ERC2: variants seen among roughly 807,000 people sequenced by gnomAD.
ERC2 encodes the protein ELKS/RAB6-interacting/CAST family member 2.
In ERC2, 42 loss-of-function variants were observed where a neutral mutation model predicts 114.8. The observed-to-expected ratio is 0.37, with a 90% CI of 0.29 to 0.47. ERC2 has a LOEUF of 0.47. ERC2 is among the 20% of genes least tolerant of loss of function. The pLI is 0.99. For synonymous variants in ERC2, 454 were observed against 425.5 expected (o/e 1.07, Z -0.82); for missense variants, 939 against 1,150.7 (o/e 0.82, Z 2.66).
In ERC2 at chr3:56,221,831, G is replaced by A. The variant is rs201183992; in HGVS notation, c.1075-48311C>T. The stretch of plus-strand genomic sequence containing the variant: ...AGGCAGGAGAATGGTGTGAACCCAG[G>A]AGGCGGAGTGAGCAGAGATCGTGCC... On this transcript the variant is annotated intron_variant, in intron 3 of 17. Coordinates refer to ENST00000288221, the MANE Select transcript of ERC2 (RefSeq NM_015576.3). 4.6e-5 allele frequency among the ~76,000 whole-genome samples: 7 copies of A among 152,180 alleles called. No homozygotes were observed. The East Asian group carries it at 1.4e-3, about 29-fold the overall frequency.
chr3:55,622,075 C>T (rs915068731), intron 17 of ERC2, among the ~76,000 whole-genome samples: 1 of 152,194 alleles, frequency 6.6e-6, no homozygotes, highest in Non-Finnish European at 1.5e-5. Flanking sequence ...CTGTTTGCTT[C>T]GTACCGCCAT....
intron 7 of ERC2, among the ~76,000 whole-genome samples, chr3:56,074,510 C>T (rs1025049338): frequency 6.6e-6 from 1 of 152,160 alleles, no homozygotes; most frequent in African/African-American, 2.4e-5. Context: ...ACCTTCCTAA[C>T]AATCCAATAA....
intron 14 of ERC2, among the ~76,000 whole-genome samples, chr3:55,761,944 T>C (rs1163566070): frequency 8.7e-4 from 64 of 73,390 alleles, no homozygotes; most frequent in East Asian, 1.5e-3. Flanking sequence ...CTCCCTCCCT[T>C]CCTCTCTCTC....
chr3:55,895,180 T>A (rs1366807571), intron 13 of ERC2, among the ~76,000 whole-genome samples: 1 of 152,218 alleles, frequency 6.6e-6, no homozygotes, highest in Non-Finnish European at 1.5e-5. Flanking sequence ...TTCCCAAACT[T>A]GGTTTAAGAT....
chr3:56,345,765 T>C (rs2058283030), intron 2 of ERC2, among the ~76,000 whole-genome samples: 1 of 152,124 alleles, frequency 6.6e-6, no homozygotes, highest in African/African-American at 2.4e-5. Flanking sequence ...GATAACCTAA[T>C]CCCCACATGC....
intron 17 of ERC2, among the ~76,000 whole-genome samples, chr3:55,598,927 T>C (rs2058273569): frequency 6.6e-6 from 1 of 152,238 alleles, no homozygotes; most frequent in African/African-American, 2.4e-5. Context: ...TTGCCAGATC[T>C]GTCCCAACAC....
chr3:55,950,340 G>A (rs1427117483), intron 13 of ERC2, 85 bp downstream of exon 13: 9 of 1,515,436 alleles, frequency 5.9e-6, no homozygotes, highest in Non-Finnish European at 8.1e-6. Context: ...CCATTTCTGT[G>A]CATATTTTCT....
At chr3:56,276,193 G>C (rs1484122386) in intron 3 of ERC2, among the ~76,000 whole-genome samples, 1 of 152,096 alleles carries the variant, frequency 6.6e-6, no homozygotes, top group East Asian at 1.9e-4. Context: ...ATTACAGACA[G>C]GGGTTCCAGA....
At chr3:56,434,079 C>T (rs543026645) in intron 2 of ERC2, 106 of 451,614 alleles carry the variant, frequency 2.3e-4, no homozygotes, top group African/African-American at 1.8e-3. Flanking sequence ...TAACCAAGTA[C>T]AAAAGTTAGG....
At chr3:56,331,515 C>T (rs1576463167) in intron 2 of ERC2, among the ~76,000 whole-genome samples, 1 of 152,060 alleles carries the variant, frequency 6.6e-6, no homozygotes, top group Admixed American at 6.6e-5. Flanking sequence ...TTCTTTAACA[C>T]AGTAATGATA....
chr3:56,437,132 C>G (rs9855289), intron 1 of ERC2, among the ~76,000 whole-genome samples: 1 of 152,038 alleles, frequency 6.6e-6, no homozygotes, highest in Non-Finnish European at 1.5e-5. Flanking sequence ...AGTAAGCAGA[C>G]GCCTTAAGCA....
At chr3:56,229,430 C>G (rs2050462474) in intron 3 of ERC2, among the ~76,000 whole-genome samples, 1 of 152,162 alleles carries the variant, frequency 6.6e-6, no homozygotes, top group Non-Finnish European at 1.5e-5. Flanking sequence ...AATAGCAGCC[C>G]AAGTCACACT....
chr3:56,434,425 C>G lies in ERC2; in HGVS notation c.583G>C (p.Val195Leu). The stretch of plus-strand genomic sequence containing the variant: ...CGCGCTGCCTCTTCTTTCCTCAAGA[C>G]TCTCTCCTTCTTAAGCTCAGGACTC... The part of the protein sequence containing the change: ...FWSPELKKER[V>L]LRKEEAARMS... The change falls in exon 2 of 18, where the codon GTC becomes CTC. Residue 195 changes from valine (V) to leucine (L), a missense_variant. Around this residue, in one of 5 missense-constraint regions of ERC2, gnomAD observed 281 missense variants for 307.4 expected, o/e 0.91. Transcript: ENST00000288221. 6.2e-7 allele frequency: 1 copy of G among 1,613,988 alleles called. No homozygotes were observed. The highest frequency in any genetic ancestry group is 2.2e-5 in the East Asian group (1 of 44,884).
intron 1 of ERC2, among the ~76,000 whole-genome samples, chr3:56,439,603 G>A (rs2062192650): frequency 6.6e-6 from 1 of 152,044 alleles, no homozygotes; most frequent in African/African-American, 2.4e-5. Context: ...AGATTTTCCA[G>A]TCTTATTGGC....
At chr3:56,213,077 T>C (rs1168381757) in intron 3 of ERC2, among the ~76,000 whole-genome samples, 2 of 152,128 alleles carry the variant, frequency 1.3e-5, no homozygotes, top group South Asian at 2.1e-4. Flanking sequence ...GAGCTACAGC[T>C]CCCAGCATGA....
chr3:56,028,036 C>T (rs149098726), intron 7 of ERC2, among the ~76,000 whole-genome samples: 97 of 152,128 alleles, frequency 6.4e-4, no homozygotes, highest in Middle Eastern at 3.4e-3. Context: ...CTAATTGATC[C>T]AGCATCATTT....
At chr3:55,609,229 AC>A (rs2058775843) in intron 17 of ERC2, among the ~76,000 whole-genome samples, 1 of 152,172 alleles carries the variant, frequency 6.6e-6, no homozygotes, top group African/African-American at 2.4e-5. Context: ...TTGAGGCAAC[AC>A]ATTTGCCCCC....
intron 14 of ERC2, among the ~76,000 whole-genome samples, chr3:55,740,344 TTTTTGTTTTA>T (rs1302215088): frequency 3.9e-5 from 6 of 152,134 alleles, no homozygotes; most frequent in Non-Finnish European, 7.4e-5. Flanking sequence ...CCTTATTGTA[TTTTTGTTTTA>T]TTTTGTTTTG....
chr3:55,556,325 C>A (rs2055602604), intron 17 of ERC2, among the ~76,000 whole-genome samples: 1 of 152,218 alleles, frequency 6.6e-6, no homozygotes, highest in Admixed American at 6.5e-5. Flanking sequence ...CAAAGAGCTA[C>A]AGCCTCTCAG....
Sources: allele counts gnomAD v4.1 joint callset (sites outside exome capture counted in the v4.1 genomes callset), GRCh38; gene constraint gnomAD v4.1.1; regional missense constraint gnomAD v4.1.1; transcripts MANE v1.5; gene names NCBI Gene and HGNC (gene_info 2026-07-23, HGNC 2026-07-21).